The following OR51C1 variants were observed in gnomAD, a reference collection of about 807,000 sequenced individuals.
OR51C1 encodes the protein olfactory receptor OR51C1.
At chr11:4,694,109 C>G in the OR51C1 span, among the ~76,000 whole-genome samples, 1 of 152,172 alleles carries the variant, frequency 6.6e-6, no homozygotes, top group African/African-American at 2.4e-5. Context: ...AATTAAATTG[C>G]TATTTGAATA....
chr11:4,693,496 C>T, the OR51C1 span, among the ~76,000 whole-genome samples: 14 of 152,146 alleles, frequency 9.2e-5, no homozygotes, highest in South Asian at 2.1e-4. Flanking sequence ...CCGAGGTGGG[C>T]GGATCACGAG....
the OR51C1 span, chr11:4,690,850 T>A: frequency 2.2e-6 from 1 of 456,100 alleles, no homozygotes; most frequent in Non-Finnish European, 4.4e-6. Context: ...AAAGGGGAGA[T>A]CAGCAGGTAG....
chr11:4,690,736 C>G, the OR51C1 span: 1 of 381,882 alleles, frequency 2.6e-6, no homozygotes, highest in Non-Finnish European at 5.1e-6. Context: ...AGGGGTCCAT[C>G]TAGTGCTAGA....
At chr11:4,696,103 T>G in the OR51C1 span, among the ~76,000 whole-genome samples, 1 of 152,126 alleles carries the variant, frequency 6.6e-6, no homozygotes, top group Admixed American at 6.6e-5. Flanking sequence ...AACCTGTAAT[T>G]TAGAAAAATA....
the OR51C1 span, chr11:4,692,171 G>T: frequency 2.2e-6 from 1 of 452,300 alleles, no homozygotes; most frequent in South Asian, 1.6e-5. Context: ...TCATAAGTGT[G>T]GAAAGCAGAG....
At chr11:4,690,833 G>T in the OR51C1 span, 3 of 454,346 alleles carry the variant, frequency 6.6e-6, no homozygotes, top group African/African-American at 4.0e-5. Flanking sequence ...AGATGACAGG[G>T]TTCATCAAAG....
the OR51C1 span, chr11:4,691,284 T>C: frequency 1.5e-5 from 7 of 456,856 alleles, no homozygotes; most frequent in African/African-American, 1.4e-4. Flanking sequence ...TATTCTGGAG[T>C]CAGTTAAAAT....
the OR51C1 span, chr11:4,697,647 A>G: frequency 2.0e-5 from 3 of 152,668 alleles, no homozygotes; most frequent in African/African-American, 7.2e-5. Flanking sequence ...AAACAGTTTT[A>G]CTTACAGAGC....
chr11:4,690,667 C>A, the OR51C1 span: 1 of 324,916 alleles, frequency 3.1e-6, no homozygotes, highest in Non-Finnish European at 6.0e-6. Context: ...CAATGGGCAC[C>A]AGTTCTTTGG....
At chr11:4,695,170 A>C in the OR51C1 span, among the ~76,000 whole-genome samples, 1 of 152,194 alleles carries the variant, frequency 6.6e-6, no homozygotes, top group Admixed American at 6.5e-5. Flanking sequence ...CAGAGCATCA[A>C]GAGCCAGACA....
At chr11:4,692,250 T>C in the OR51C1 span, 23 of 380,604 alleles carry the variant, frequency 6.0e-5, 1 homozygote, top group South Asian at 4.2e-4. Flanking sequence ...AAGTAACACA[T>C]AGGAAGTGAC....
chr11:4,694,575 T>TATATAC, the OR51C1 span, among the ~76,000 whole-genome samples: 101 of 147,890 alleles, frequency 6.8e-4, no homozygotes, highest in Middle Eastern at 3.5e-3. Flanking sequence ...CATATATATA[T>TATATAC]ACACACACAC....
At chr11:4,694,551 T>TAC in the OR51C1 span, among the ~76,000 whole-genome samples, 2 of 129,718 alleles carry the variant, frequency 1.5e-5, no homozygotes, top group Non-Finnish European at 3.3e-5. Flanking sequence ...TATATATATA[T>TAC]ACACACACAC....
At chr11:4,697,142 A>G in the OR51C1 span, among the ~76,000 whole-genome samples, 3 of 152,218 alleles carry the variant, frequency 2.0e-5, no homozygotes, top group African/African-American at 7.2e-5. Flanking sequence ...CATATTTGAA[A>G]TCACATACAA....
the OR51C1 span, chr11:4,691,346 G>A: frequency 6.6e-6 from 3 of 457,662 alleles, no homozygotes; most frequent in Non-Finnish European, 1.3e-5. Flanking sequence ...CAAAAGCCAT[G>A]GCCAACAGCA....
At chr11:4,697,547 C>T in the OR51C1 span, 1 of 152,686 alleles carries the variant, frequency 6.5e-6, no homozygotes, top group Non-Finnish European at 1.5e-5. Context: ...ACCATACCAA[C>T]ATCTAATCTA....
chr11:4,692,024 T>A, the OR51C1 span: 1 of 342,790 alleles, frequency 2.9e-6, no homozygotes, highest in Non-Finnish European at 5.8e-6. Context: ...ATAAACACTT[T>A]ACCCTGAGTT....
At chr11:4,691,582 G>T in the OR51C1 span, 1 of 456,818 alleles carries the variant, frequency 2.2e-6, no homozygotes, top group African/African-American at 2.0e-5. Context: ...TTTCCCAAGA[G>T]AGCAGTTACA....
At chr11:4,696,586 G>C in the OR51C1 span, among the ~76,000 whole-genome samples, 1 of 152,100 alleles carries the variant, frequency 6.6e-6, no homozygotes, top group African/African-American at 2.4e-5. Flanking sequence ...AGACAAGAGG[G>C]GGACTAATGA....
Sources: gnomAD v4.1 joint callset for allele counts (sites outside exome capture counted in the v4.1 genomes callset) on GRCh38, gnomAD v4.1.1 for gene constraint, MANE v1.5 for transcripts, NCBI Gene and HGNC (gene_info 2026-07-23, HGNC 2026-07-21) for gene names.